The following C10orf90 variants were observed in gnomAD, a reference collection of about 807,000 sequenced individuals.
The protein encoded by C10orf90 is (E2-independent) E3 ubiquitin-conjugating enzyme FATS.
Under a neutral mutation model 62.5 loss-of-function variants are expected in C10orf90, and 56 were observed. That is an observed-to-expected ratio of 0.90 (90% CI 0.72 to 1.12). C10orf90 has a LOEUF of 1.12. Among genes scored for constraint, C10orf90 ranks in the 50% most tolerant of loss-of-function variants. The pLI, the probability that C10orf90 is intolerant of heterozygous loss-of-function variation, is 0.00. For synonymous variants in C10orf90, 386 were observed against 340.4 expected (o/e 1.13, Z -1.47); for missense variants, 970 against 880.4 (o/e 1.10, Z -1.29).
rs374281253 is a variant in C10orf90 at position 126,505,221 on chromosome 10, C to T, written c.406-136G>A. On this transcript the variant is annotated intron_variant, in intron 3 of 9. Coordinates refer to ENST00000488181, the MANE Select transcript of C10orf90 (RefSeq NM_001350921.2). ...ATGTCTTGTCCAAGGCTTTTTACTG[C>T]ACACCTGATGCTCAGAGATGGCAGG... 267 of 810,298 alleles carry T rather than the reference C, an allele frequency of 3.3e-4. 4 individuals carry two copies. The South Asian group carries it at 4.1e-3, about 12-fold the overall frequency. The allele number at this position is 810,298 out of a possible 1,614,324, so 50.2% of individuals were successfully genotyped here. A position where few individuals can be genotyped will look rare whatever the true frequency, so the allele number is the denominator to read the frequency against.
At chr10:126,501,012 G>T (rs1862348203) in intron 4 of C10orf90, among the ~76,000 whole-genome samples, 2 of 152,224 alleles carry the variant, frequency 1.3e-5, no homozygotes, top group African/African-American at 4.8e-5. Flanking sequence ...CAGATACAAA[G>T]AATCAGATTC....
At chr10:126,502,155 A>G (rs1162890505) in intron 4 of C10orf90, among the ~76,000 whole-genome samples, 1 of 151,916 alleles carries the variant, frequency 6.6e-6, no homozygotes, top group Non-Finnish European at 1.5e-5. Flanking sequence ...TAGGTGCAAT[A>G]TACACTACTT....
At chr10:126,532,858 T>TAAAAAAAAAAAAA (rs1864137619) in intron 2 of C10orf90, among the ~76,000 whole-genome samples, 1 of 47,468 alleles carries the variant, frequency 2.1e-5, no homozygotes, top group Non-Finnish European at 4.2e-5. Context: ...AAAAAAAAAA[T>TAAAAAAAAAAAAA]AGTGAGCACA....
chr10:126,427,963 C>T (rs1478664870), intron 8 of C10orf90, among the ~76,000 whole-genome samples: 3 of 152,100 alleles, frequency 2.0e-5, no homozygotes, highest in Admixed American at 6.5e-5. Flanking sequence ...AATAAAGGCT[C>T]CTAGGTCCCA....
At chr10:126,429,740 C>G (rs763104653) in intron 8 of C10orf90, 47 bp downstream of exon 8, 2 of 1,559,954 alleles carry the variant, frequency 1.3e-6, no homozygotes, top group African/African-American at 2.7e-5. Context: ...TCAAACCACC[C>G]TACTCCCCCC....
chr10:126,531,704 A>G lies in C10orf90; in HGVS notation c.314-17765T>C, dbSNP rs192385498. Among the ~76,000 whole-genome samples, 1,026 of 152,344 alleles carry G rather than the reference A, an allele frequency of 6.7e-3. 5 individuals carry two copies. Among genetic ancestry groups the G allele is most frequent in the Non-Finnish European group, 0.012 (825 of 68,032 alleles). ...CTTTTAGAAGAAAATAGAGCAGGAT[A>G]TCTTTGTAAACTGAGGAGGCAAAGT... is the stretch of plus-strand genomic sequence containing the variant. On this transcript the variant is annotated intron_variant, in intron 2 of 9. Coordinates refer to ENST00000488181, the MANE Select transcript of C10orf90 (RefSeq NM_001350921.2).
chr10:126,622,985 G>C (rs1435678590), intron 2 of C10orf90, among the ~76,000 whole-genome samples: 2 of 152,208 alleles, frequency 1.3e-5, no homozygotes. Context: ...AATAACATCT[G>C]ATTTCAAAAG....
At chr10:126,582,020 CAG>C (rs1844763111) in intron 2 of C10orf90, among the ~76,000 whole-genome samples, 1 of 152,186 alleles carries the variant, frequency 6.6e-6, no homozygotes, top group Admixed American at 6.5e-5. Flanking sequence ...AGCAAGGGGA[CAG>C]AGCAGTTTCC....
chr10:126,441,795 A>G (rs1476910578), intron 7 of C10orf90, among the ~76,000 whole-genome samples: 2 of 152,188 alleles, frequency 1.3e-5, no homozygotes, highest in Non-Finnish European at 2.9e-5. Flanking sequence ...AGTGTTATAC[A>G]TGAAGGAAAG....
chr10:126,543,167 T>C (rs1422468146), intron 2 of C10orf90, among the ~76,000 whole-genome samples: 3 of 152,190 alleles, frequency 2.0e-5, no homozygotes, highest in Non-Finnish European at 4.4e-5. Context: ...GTATATAGTT[T>C]CATAAAGTGG....
rs369799077 is a variant in C10orf90, at chr10:126,507,859, A to C, written c.406-2774T>G. 9.9e-5 allele frequency among the ~76,000 whole-genome samples: 15 copies of C among 152,204 alleles called. No homozygotes were observed. The South Asian group carries it at 1.9e-3, about 19-fold the overall frequency. ...ACCCTGAATCCCTTCCCCTTGTAGC[A>C]CTTTTTATGGATGTAGTTTACACAT... On this transcript the variant is annotated intron_variant, in intron 3 of 9. Coordinates refer to ENST00000488181, the MANE Select transcript of C10orf90 (RefSeq NM_001350921.2).
chr10:126,490,026 A>G (rs1414946945), intron 4 of C10orf90, among the ~76,000 whole-genome samples: 3 of 102,218 alleles, frequency 2.9e-5, no homozygotes, highest in Non-Finnish European at 5.2e-5. Context: ...TATATAATAT[A>G]TAATATATAA....
In C10orf90 at chr10:126,464,912, CTG is replaced by C; in HGVS notation, c.1607_1608del (p.Pro536ArgfsTer7). Reference sequence around the variant, plus strand: ...AAATGTCTAGTGGGCTTCTGTTCCACTGGAGGAGCAGACACAGTCATACATAC... The same window carrying C: ...AAATGTCTAGTGGGCTTCTGTTCCACGAGGAGCAGACACAGTCATACATAC... Reference protein sequence around the residue: ...GEVCMTVSAPPVEQKPTRHFL... With the variant: ...GEVCMTVSAPXVEQKPTRHFL... On this transcript the variant is annotated frameshift_variant, in exon 5 of 10. Transcript: ENST00000488181. LOFTEE classifies it high-confidence loss of function. 1 of 1,613,694 alleles carries C rather than the reference CTG, an allele frequency of 6.2e-7. No homozygotes were observed. Among genetic ancestry groups the C allele is most frequent in the East Asian group, 2.2e-5 (1 of 44,860 alleles).
At chr10:126,521,377 G>T in intron 2 of C10orf90, 1 of 1,612,440 alleles carries the variant, frequency 6.2e-7, no homozygotes, top group Non-Finnish European at 8.5e-7. Flanking sequence ...TTAATGACAA[G>T]GATGTATTTG....
At chr10:126,548,384 T>A (rs74822348) in intron 2 of C10orf90, among the ~76,000 whole-genome samples, 2,599 of 152,210 alleles carry the variant, frequency 0.017, 73 homozygotes, top group African/African-American at 0.057. Flanking sequence ...CTTTTTTTTT[T>A]AGACAAAGTC....
intron 4 of C10orf90, among the ~76,000 whole-genome samples, chr10:126,471,689 G>A (rs1860594279): frequency 6.6e-6 from 1 of 152,124 alleles, no homozygotes; most frequent in African/African-American, 2.4e-5. Context: ...CAATTGTGCA[G>A]GCAACTCTCA....
Position 126,518,199 on chromosome 10 carries a change from CCA to C in C10orf90, c.314-4262_314-4261del, listed in dbSNP as rs1245372958. 2.6e-5 allele frequency among the ~76,000 whole-genome samples: 4 copies of C among 152,254 alleles called. No individual in the cohort carries two copies. In the East Asian group the frequency reaches 7.7e-4, roughly 29 times the overall value. ...AGCAAGGGCTCCCAAAATGTGGCCC[CCA>C]GACCAGCAGCATCCACACGATGGGG... On this transcript the variant is annotated intron_variant, in intron 2 of 9. Transcript: ENST00000488181.
intron 1 of C10orf90, among the ~76,000 whole-genome samples, chr10:126,655,906 A>C (rs1591179150): frequency 6.6e-6 from 1 of 151,722 alleles, no homozygotes; most frequent in Non-Finnish European, 1.5e-5. Context: ...CATGACATGC[A>C]TGCCCTGGGC....
intron 4 of C10orf90, among the ~76,000 whole-genome samples, chr10:126,471,942 C>CAT (rs56142826): frequency 0.49 from 73,754 of 151,786 alleles, 19,242 homozygotes; most frequent in African/African-American, 0.69. Flanking sequence ...CACACACACA[C>CAT]GTGCACACAC....
Sources: allele counts gnomAD v4.1 joint callset (sites outside exome capture counted in the v4.1 genomes callset), GRCh38; gene constraint gnomAD v4.1.1; transcripts MANE v1.5; gene names NCBI Gene and HGNC (gene_info 2026-07-23, HGNC 2026-07-21).